The following SPIDR variants were observed in gnomAD, a reference collection of about 807,000 sequenced individuals.
The protein encoded by SPIDR is DNA repair-scaffolding protein.
Under a neutral mutation model 104.6 loss-of-function variants are expected in SPIDR, and 93 were observed. The ratio of observed to expected loss-of-function variants is 0.89; its 90% CI spans 0.75 to 1.06. The LOEUF is 1.06. SPIDR is among the 50% of genes least tolerant of loss of function. SPIDR has a pLI of 0.00. For missense variants in SPIDR, 1,154 were observed against 1,111.2 expected, an observed-to-expected ratio of 1.04 and a Z score of -0.55; for synonymous variants, 431 against 416.9, an observed-to-expected ratio of 1.03 and a Z score of -0.41.
chr8:47,450,613 A>G (rs1329286345), intron 8 of SPIDR, among the ~76,000 whole-genome samples: 4 of 152,228 alleles, frequency 2.6e-5, no homozygotes, highest in African/African-American at 9.6e-5. Context: ...GCAAATGTAT[A>G]TTGTTGTTTC....
intron 5 of SPIDR, among the ~76,000 whole-genome samples, chr8:47,296,670 G>GT (rs370382649): frequency 6.6e-6 from 1 of 152,150 alleles, no homozygotes; most frequent in Admixed American, 6.5e-5. Context: ...TTTGTAACAG[G>GT]TTTTAAAATC....
At chr8:47,321,803 C>T (rs1554595951) in intron 5 of SPIDR, among the ~76,000 whole-genome samples, 3 of 152,098 alleles carry the variant, frequency 2.0e-5, no homozygotes, top group Non-Finnish European at 1.5e-5. Flanking sequence ...TATCTACAAC[C>T]ATCTGATCTT....
At chr8:47,465,504 G>A (rs549716316) in intron 8 of SPIDR, among the ~76,000 whole-genome samples, 58 of 152,226 alleles carry the variant, frequency 3.8e-4, no homozygotes, top group Non-Finnish European at 7.1e-4. Context: ...AGGTCAAGGC[G>A]GGCAGATCAT....
intron 1 of SPIDR, among the ~76,000 whole-genome samples, chr8:47,266,625 C>G (rs559256488): frequency 1.6e-4 from 25 of 152,172 alleles, no homozygotes; most frequent in Non-Finnish European, 1.6e-4. Flanking sequence ...AGATAAATGC[C>G]TAAGTATGTA....
intron 7 of SPIDR, among the ~76,000 whole-genome samples, chr8:47,436,635 A>T (rs760230724): frequency 2.2e-4 from 33 of 152,142 alleles, no homozygotes; most frequent in Non-Finnish European, 3.8e-4. Context: ...CTGAGGTGGG[A>T]GGATCCCTTG....
chr8:47,308,815 G>A (rs937523062), intron 5 of SPIDR, among the ~76,000 whole-genome samples: 38 of 152,228 alleles, frequency 2.5e-4, no homozygotes, highest in Non-Finnish European at 8.8e-5. Context: ...TGTAAGCTGC[G>A]CGCAAGCTGC....
intron 5 of SPIDR, among the ~76,000 whole-genome samples, chr8:47,317,768 G>A (rs1042973159): frequency 1.3e-5 from 2 of 152,062 alleles, no homozygotes; most frequent in African/African-American, 4.8e-5. Context: ...GAACAATCAG[G>A]CAGCAACATT....
At chr8:47,468,046 C>T (rs1413697557) in intron 8 of SPIDR, among the ~76,000 whole-genome samples, 4 of 152,088 alleles carry the variant, frequency 2.6e-5, no homozygotes, top group African/African-American at 9.7e-5. Context: ...AATTCACTAG[C>T]ATTTCTATAC....
chr8:47,275,718 C>T (rs981783315), intron 1 of SPIDR, among the ~76,000 whole-genome samples: 7 of 152,268 alleles, frequency 4.6e-5, no homozygotes, highest in Middle Eastern at 3.4e-3. Flanking sequence ...ATAGTTATGT[C>T]ACGTTGGTAG....
chr8:47,380,093 T>C (rs900033947), intron 5 of SPIDR, among the ~76,000 whole-genome samples: 4 of 152,174 alleles, frequency 2.6e-5, no homozygotes, highest in Admixed American at 1.3e-4. Flanking sequence ...GGGGCATAAG[T>C]GAACAGATTT....
chr8:47,518,217 T>C lies in SPIDR; in HGVS notation c.1098-77594T>C, dbSNP rs147341654. Among the ~76,000 whole-genome samples, 562 of 152,366 alleles carry C rather than the reference T, an allele frequency of 3.7e-3. 9 individuals carry two copies. The highest frequency in any genetic ancestry group is 0.013 in the African/African-American group (532 of 41,594). On this transcript the variant is annotated intron_variant, in intron 8 of 19. Coordinates refer to ENST00000297423, the MANE Select transcript of SPIDR (RefSeq NM_001080394.4). Reference sequence around the variant, plus strand: ...TGTTAGTTCCACTTTCACCTCATGCTAGACATGCAGGCATCCTAAAAGTTC... The same window carrying C: ...TGTTAGTTCCACTTTCACCTCATGCCAGACATGCAGGCATCCTAAAAGTTC...
At chr8:47,692,350 C>T (rs576402709) in intron 11 of SPIDR, among the ~76,000 whole-genome samples, 1 of 152,138 alleles carries the variant, frequency 6.6e-6, no homozygotes, top group Non-Finnish European at 1.5e-5. Context: ...AGCCACTCCT[C>T]TGCTTTCCGT....
At chr8:47,291,191 C>G in intron 4 of SPIDR, 54 bp downstream of exon 4, 1 of 1,236,562 alleles carries the variant, frequency 8.1e-7, no homozygotes, top group Admixed American at 2.0e-5. Flanking sequence ...CATATTGTGT[C>G]CAGAAGATCA....
chr8:47,574,760 G>T (rs1438287722), intron 8 of SPIDR, among the ~76,000 whole-genome samples: 1 of 151,208 alleles, frequency 6.6e-6, no homozygotes, highest in Non-Finnish European at 1.5e-5. Context: ...GAAGAGGAGA[G>T]GGGAGGGGAG....
intron 10 of SPIDR, among the ~76,000 whole-genome samples, chr8:47,666,883 T>A (rs1011287697): frequency 1.3e-5 from 2 of 152,234 alleles, no homozygotes; most frequent in East Asian, 3.8e-4. Flanking sequence ...ATGACAATTT[T>A]AAAATATCTA....
chr8:47,439,803 A>C (rs1554695053), intron 7 of SPIDR, among the ~76,000 whole-genome samples: 1 of 152,178 alleles, frequency 6.6e-6, no homozygotes, highest in African/African-American at 2.4e-5. Flanking sequence ...CACCCATTTC[A>C]ATCTAGAGCT....
chr8:47,265,188 C>CTTTTTTTT (rs397892978), intron 1 of SPIDR, among the ~76,000 whole-genome samples: 8 of 108,992 alleles, frequency 7.3e-5, no homozygotes, highest in African/African-American at 2.7e-4. Flanking sequence ...TCTCAGTTGT[C>CTTTTTTTT]TTTTTTTTTT....
chr8:47,548,264 A>G (rs969764891), intron 8 of SPIDR, among the ~76,000 whole-genome samples: 16 of 152,272 alleles, frequency 1.1e-4, no homozygotes, highest in African/African-American at 3.1e-4. Context: ...AAGTGAATTG[A>G]TAATTACATA....
At chr8:47,727,120 G>A in intron 16 of SPIDR, 80 bp from the exon 17 acceptor site, 3 of 1,214,100 alleles carry the variant, frequency 2.5e-6, no homozygotes, top group Non-Finnish European at 3.6e-6. Flanking sequence ...CCCTCATGTT[G>A]TCCTCTGCAC....
Sources: allele counts gnomAD v4.1 joint callset (sites outside exome capture counted in the v4.1 genomes callset), GRCh38; gene constraint gnomAD v4.1.1; transcripts MANE v1.5; gene names NCBI Gene and HGNC (gene_info 2026-07-23, HGNC 2026-07-21).